HDAC4: variants seen among roughly 807,000 people sequenced by gnomAD.
HDAC4 encodes the protein histone deacetylase 4.
A neutral mutation model predicts 135.1 loss-of-function variants in HDAC4; 16 were observed. That is an observed-to-expected ratio of 0.12 (90% CI 0.08 to 0.18). The LOEUF (loss-of-function observed/expected upper bound fraction) is 0.18. Ranked by LOEUF, HDAC4 falls within the 10% of genes least tolerant of loss-of-function variation. HDAC4 has a pLI of 1.00. For synonymous variants in HDAC4, 685 were observed against 653.4 expected (o/e 1.05, Z -0.74); for missense variants, 1,143 against 1,511.8 (o/e 0.76, Z 4.05).
intron 2 of HDAC4, among the ~76,000 whole-genome samples, chr2:239,282,770 TACAATGTACACACCCCTCTACAC>T (rs2050878944): frequency 2.8e-5 from 4 of 143,330 alleles, no homozygotes; most frequent in Non-Finnish European, 4.6e-5. Flanking sequence ...CACACCACTC[TACAATGTACACACCCCTCTACAC>T]ACAATGTACA....
chr2:239,244,082 G>C (rs2153196287), intron 2 of HDAC4, among the ~76,000 whole-genome samples: 1 of 152,310 alleles, frequency 6.6e-6, no homozygotes, highest in Non-Finnish European at 1.5e-5. Context: ...CAGGGACTGA[G>C]CTGCGTGAAC....
rs1402128861 is a variant in HDAC4, at chr2:239,068,288, T to A, written c.2869+201A>T. On this transcript the variant is annotated intron_variant, in intron 23 of 26. Coordinates refer to ENST00000543185, the MANE Select transcript of HDAC4 (RefSeq NM_001378414.1). This position sits in a 1 kb window ranked among gnomAD's most constrained non-coding sequence, Gnocchi z 4.4. ...CTGGGCAAAGAGTGCCCGAGGTGCC[T>A]GGGTCTGAGCTCCCGCTGCCTGCTC... 2.6e-5 allele frequency among the ~76,000 whole-genome samples: 4 copies of A among 152,202 alleles called. No homozygotes were observed. The highest frequency in any genetic ancestry group is 4.4e-5 in the Non-Finnish European group (3 of 68,030).
At position 239,126,637 on chromosome 2, in the gene HDAC4, G is replaced by A. The variant is rs754361513; in HGVS notation, c.1352C>T (p.Ala451Val). 1.2e-6 allele frequency: 2 copies of A among 1,613,996 alleles called. No individual in the cohort carries two copies. Among genetic ancestry groups the A allele is most frequent in the South Asian group, 2.2e-5 (2 of 91,090 alleles). Residue 451 changes from alanine to valine, a missense_variant, in exon 12 of 27, where the codon GCA becomes GTA. Physicochemically the swap from Ala to Val is moderately conservative, Grantham distance 64. Coordinates refer to ENST00000543185, the MANE Select transcript of HDAC4 (RefSeq NM_001378414.1). ...GTGGATGGAGGGGGACACCCGGTCT[G>A]CACCAACCAAGGACTGTGCGTGGAG... ...LPLHAQSLVG[A>V]DRVSPSIHKL...
intron 2 of HDAC4, among the ~76,000 whole-genome samples, chr2:239,267,091 A>C (rs2049779740): frequency 1.3e-5 from 2 of 151,156 alleles, no homozygotes; most frequent in African/African-American, 4.8e-5. Context: ...TGTACACTGC[A>C]TGGGGGGTGC....
At chr2:239,323,087 C>G (rs1314808029) in intron 2 of HDAC4, among the ~76,000 whole-genome samples, 6 of 152,200 alleles carry the variant, frequency 3.9e-5, no homozygotes, top group Admixed American at 3.9e-4. Flanking sequence ...CAACCAGCCC[C>G]AAACATAAAG....
At chr2:239,388,623 T>C (rs1452446188) in intron 1 of HDAC4, among the ~76,000 whole-genome samples, 2 of 152,056 alleles carry the variant, frequency 1.3e-5, no homozygotes, top group East Asian at 1.9e-4. Context: ...TTGGCAGCCA[T>C]GGCCCTGATC....
At chr2:239,284,958 G>A (rs1221644791) in intron 2 of HDAC4, among the ~76,000 whole-genome samples, 1 of 152,142 alleles carries the variant, frequency 6.6e-6, no homozygotes, top group African/African-American at 2.4e-5. Flanking sequence ...AACTTACAAG[G>A]AAAATGAGAG....
chr2:239,319,732 C>T (rs773026171), intron 2 of HDAC4, among the ~76,000 whole-genome samples: 1 of 152,178 alleles, frequency 6.6e-6, no homozygotes, highest in Admixed American at 6.5e-5. Flanking sequence ...TAATGAACAC[C>T]AGTCACCGAC....
chr2:239,320,749 T>G (rs1419304876), intron 2 of HDAC4, among the ~76,000 whole-genome samples: 5 of 152,242 alleles, frequency 3.3e-5, no homozygotes, highest in Non-Finnish European at 7.3e-5. Flanking sequence ...TGAACACATG[T>G]GCTACCGTAA....
Position 239,352,411 on chromosome 2 carries a change from C to T in HDAC4, c.22+267G>A, listed in dbSNP as rs1575737135. On this transcript the variant is annotated intron_variant, in intron 2 of 26. Transcript: ENST00000543185. The surrounding 1 kb of genome is among the most constrained non-coding windows in gnomAD (Gnocchi z 4.4). Reference sequence around the variant, plus strand: ...CAACATCACCCTTGTCAAAAAGCATCGAGGAAACCTGTGTGCCTCTCAAGT... The same window carrying T: ...CAACATCACCCTTGTCAAAAAGCATTGAGGAAACCTGTGTGCCTCTCAAGT... Among the ~76,000 whole-genome samples, 1 of 152,116 alleles carries T rather than the reference C, an allele frequency of 6.6e-6. No individual in the cohort carries two copies. The highest frequency in any genetic ancestry group is 2.4e-5 in the African/African-American group (1 of 41,416).
chr2:239,118,639 G>A (rs1324077318), intron 12 of HDAC4, among the ~76,000 whole-genome samples: 2 of 152,188 alleles, frequency 1.3e-5, no homozygotes, highest in Non-Finnish European at 2.9e-5. Context: ...GGCCAAGGGG[G>A]CATGGATGAG....
chr2:239,377,344 T>C (rs977878225), intron 1 of HDAC4, among the ~76,000 whole-genome samples: 1 of 152,122 alleles, frequency 6.6e-6, no homozygotes. Context: ...GGCCCCAAAA[T>C]GTCCAGGGCC....
At chr2:239,094,385 C>T (rs1187137680) in intron 17 of HDAC4, 12 of 984,836 alleles carry the variant, frequency 1.2e-5, no homozygotes, top group African/African-American at 7.0e-5. Flanking sequence ...TGAACTTATG[C>T]GCCCAGGCCA....
intron 2 of HDAC4, among the ~76,000 whole-genome samples, chr2:239,320,403 A>G: frequency 1.4e-5 from 1 of 70,230 alleles, no homozygotes; most frequent in East Asian, 5.8e-4. Context: ...AAAAAAAAAA[A>G]GTGATAAATC....
At chr2:239,323,093 T>A (rs946245072) in intron 2 of HDAC4, among the ~76,000 whole-genome samples, 6 of 152,118 alleles carry the variant, frequency 3.9e-5, no homozygotes, top group African/African-American at 1.4e-4. Flanking sequence ...GCCCCAAACA[T>A]AAAGACACAT....
chr2:239,140,039 C>T lies in HDAC4; in HGVS notation c.866-243G>A, dbSNP rs3791476. Among the ~76,000 whole-genome samples, 11,916 of 152,278 alleles carry T rather than the reference C, an allele frequency of 0.078. 517 individuals carry two copies. Among genetic ancestry groups the T allele is most frequent in the Middle Eastern group, 0.14 (41 of 294 alleles). On this transcript the variant is annotated intron_variant, in intron 8 of 26. Coordinates refer to ENST00000543185, the MANE Select transcript of HDAC4 (RefSeq NM_001378414.1). ...CATGTACGTTACCAATTTTATACCT[C>T]GTTTGATTTTCAAGACAATTTTAAA...
intron 13 of HDAC4, 146 bp downstream of exon 13, chr2:239,114,907 C>A: frequency 1.0e-6 from 1 of 971,764 alleles, no homozygotes. Context: ...ACCTCCCTCA[C>A]TGGCCAGGAC....
chr2:239,071,095 G>A (rs149783813), intron 22 of HDAC4, among the ~76,000 whole-genome samples: 1 of 152,258 alleles, frequency 6.6e-6, no homozygotes, highest in African/African-American at 2.4e-5. Context: ...GTGAGCAGAA[G>A]CATTGTTGTG....
chr2:239,065,682 C>T (rs957818711), intron 24 of HDAC4, among the ~76,000 whole-genome samples: 6 of 152,346 alleles, frequency 3.9e-5, no homozygotes, highest in African/African-American at 1.2e-4. Flanking sequence ...CCTGGCAAGG[C>T]CTCTGCATCT....
Sources: allele counts gnomAD v4.1 joint callset (sites outside exome capture counted in the v4.1 genomes callset), GRCh38; gene constraint gnomAD v4.1.1; non-coding constraint Gnocchi (gnomAD v3.1); transcripts MANE v1.5; gene names NCBI Gene and HGNC (gene_info 2026-07-23, HGNC 2026-07-21).